CTNND2: variants seen among roughly 807,000 people sequenced by gnomAD.
CTNND2 encodes the protein catenin delta-2.
Under a neutral mutation model 144.4 loss-of-function variants are expected in CTNND2, and 22 were observed. The observed-to-expected ratio is 0.15, with a 90% CI of 0.11 to 0.22. CTNND2 has a LOEUF of 0.22. Among genes scored for constraint, CTNND2 ranks in the 10% least tolerant of loss-of-function variants. The pLI is 1.00. For missense variants in CTNND2, 1,353 were observed against 1,618.8 expected (o/e 0.84, Z 2.82); for synonymous variants, 751 against 695.6 (o/e 1.08, Z -1.25).
At chr5:11,494,675 C>T (rs1432221394) in intron 3 of CTNND2, among the ~76,000 whole-genome samples, 3 of 152,086 alleles carry the variant, frequency 2.0e-5, no homozygotes, top group Admixed American at 1.3e-4. Context: ...GCTCCCAATA[C>T]TTCTGATAGG....
rs529039578 is a variant in CTNND2, at chr5:11,180,220, G to A, written c.1975+19228C>T. Among the ~76,000 whole-genome samples the A allele has an allele frequency of 1.5e-4, 23 of 152,118 alleles. No homozygotes were observed. In the South Asian group the frequency reaches 4.4e-3, roughly 29 times the overall value. On this transcript the variant is annotated intron_variant, in intron 11 of 21. Transcript: ENST00000304623. ...GGTTTTAAAGTGGGGCACTTCCCCC[G>A]CATCGCTCTCTCTCTCTCTCCTCCA...
intron 2 of CTNND2, among the ~76,000 whole-genome samples, chr5:11,592,940 T>C (rs921128937): frequency 2.6e-5 from 4 of 151,198 alleles, no homozygotes; most frequent in African/African-American, 9.7e-5. Context: ...CAGAAGAGAA[T>C]CCAGACATGA....
chr5:11,017,654 T>C (rs1037991816), intron 18 of CTNND2, among the ~76,000 whole-genome samples: 15 of 150,672 alleles, frequency 1.0e-4, no homozygotes, highest in Non-Finnish European at 2.1e-4. Flanking sequence ...TTGTTGATTT[T>C]TTTTTCCCCA....
At chr5:11,596,236 T>A (rs978542749) in intron 2 of CTNND2, among the ~76,000 whole-genome samples, 4 of 152,224 alleles carry the variant, frequency 2.6e-5, no homozygotes, top group Non-Finnish European at 4.4e-5. Flanking sequence ...GAATACTGCA[T>A]CCTAATCACC....
intron 12 of CTNND2, among the ~76,000 whole-genome samples, chr5:11,128,148 A>G (rs956330969): frequency 1.6e-4 from 24 of 152,120 alleles, no homozygotes; most frequent in African/African-American, 5.3e-4. Context: ...GGCTGGAGTC[A>G]GAGAGGTGCA....
At chr5:11,820,745 A>T (rs1237663105) in intron 1 of CTNND2, among the ~76,000 whole-genome samples, 1 of 152,154 alleles carries the variant, frequency 6.6e-6, no homozygotes, top group Admixed American at 6.5e-5. Context: ...TTCTTGCTCT[A>T]TGTCTGTTGA....
intron 9 of CTNND2, among the ~76,000 whole-genome samples, chr5:11,305,771 C>T (rs1472926170): frequency 1.3e-5 from 2 of 152,176 alleles, no homozygotes; most frequent in South Asian, 2.1e-4. Context: ...CTTAGATGGG[C>T]AGGTGGTGCT....
chr5:11,254,590 G>C (rs1160189257), intron 9 of CTNND2, among the ~76,000 whole-genome samples: 2 of 152,158 alleles, frequency 1.3e-5, no homozygotes, highest in African/African-American at 4.8e-5. Context: ...TACTAGGTCA[G>C]AGGAAATGCC....
intron 18 of CTNND2, among the ~76,000 whole-genome samples, chr5:11,009,749 G>A (rs1258350020): frequency 1.3e-5 from 2 of 152,218 alleles, no homozygotes; most frequent in East Asian, 3.8e-4. Flanking sequence ...CCCCTGACTT[G>A]GGGATCTATC....
At chr5:11,800,350 G>C (rs1791612031) in intron 1 of CTNND2, among the ~76,000 whole-genome samples, 1 of 152,064 alleles carries the variant, frequency 6.6e-6, no homozygotes, top group South Asian at 2.1e-4. Context: ...CTAAAGAAAA[G>C]CTTGAAGACA....
At chr5:11,823,769 T>C (rs1294807752) in intron 1 of CTNND2, among the ~76,000 whole-genome samples, 2 of 152,116 alleles carry the variant, frequency 1.3e-5, no homozygotes, top group Non-Finnish European at 2.9e-5. Context: ...TGAGGAAATA[T>C]GAATTTTATC....
At chr5:11,172,825 C>T (rs1024636608) in intron 11 of CTNND2, among the ~76,000 whole-genome samples, 8 of 152,086 alleles carry the variant, frequency 5.3e-5, no homozygotes, top group Non-Finnish European at 8.8e-5. Flanking sequence ...GGAAGGTCTG[C>T]GTGGAGAGAG....
At chr5:11,327,074 T>A (rs1352530334) in intron 9 of CTNND2, among the ~76,000 whole-genome samples, 1 of 152,168 alleles carries the variant, frequency 6.6e-6, no homozygotes, top group Admixed American at 6.5e-5. Flanking sequence ...ATGAAGTGCC[T>A]ATGTCCAGGG....
At chr5:11,762,028 G>A (rs930959247) in intron 1 of CTNND2, among the ~76,000 whole-genome samples, 9 of 152,092 alleles carry the variant, frequency 5.9e-5, no homozygotes, top group Admixed American at 2.0e-4. Context: ...AGGCATAGGC[G>A]ACTTCTATCA....
chr5:11,422,485 C>G (rs536890203), intron 3 of CTNND2, among the ~76,000 whole-genome samples: 2 of 152,278 alleles, frequency 1.3e-5, no homozygotes, highest in Non-Finnish European at 2.9e-5. Flanking sequence ...TTTGTTGGCA[C>G]TGGTGACTGA....
chr5:11,127,003 G>C (rs1354172936), intron 12 of CTNND2, among the ~76,000 whole-genome samples: 1 of 152,262 alleles, frequency 6.6e-6, no homozygotes, highest in African/African-American at 2.4e-5. Flanking sequence ...AGTTCCAGGT[G>C]AACAGCCTGT....
At chr5:11,311,592 C>T (rs1443433809) in intron 9 of CTNND2, among the ~76,000 whole-genome samples, 2 of 142,574 alleles carry the variant, frequency 1.4e-5, no homozygotes, top group Non-Finnish European at 3.1e-5. Context: ...CCCACACATA[C>T]ATACTCTCAC....
intron 7 of CTNND2, among the ~76,000 whole-genome samples, chr5:11,373,153 G>C (rs1757615235): frequency 6.6e-6 from 1 of 152,232 alleles, no homozygotes; most frequent in African/African-American, 2.4e-5. Flanking sequence ...AGTTGTCCGG[G>C]CCCCACACCA....
At position 11,701,200 on chromosome 5, in the gene CTNND2, T is replaced by C. The variant is rs1354781769; in HGVS notation, c.174+30936A>G. Among the ~76,000 whole-genome samples the C allele has an allele frequency of 2.0e-5, 3 of 152,156 alleles. No homozygotes were observed. In the East Asian group the frequency reaches 5.8e-4, roughly 29 times the overall value. ...GAGGACATAGCAGGCTTTCTGAGTA[T>C]GTATTTCTACTTCAATAAGACCTAA... is the stretch of plus-strand genomic sequence containing the variant. On this transcript the variant is annotated intron_variant, in intron 2 of 21. Coordinates refer to ENST00000304623, the MANE Select transcript of CTNND2 (RefSeq NM_001332.4).
Sources: gnomAD v4.1 joint callset for allele counts (sites outside exome capture counted in the v4.1 genomes callset) on GRCh38, gnomAD v4.1.1 for gene constraint, MANE v1.5 for transcripts, NCBI Gene and HGNC (gene_info 2026-07-23, HGNC 2026-07-21) for gene names.